FCRLA: variants seen among roughly 807,000 people sequenced by gnomAD.
The protein encoded by FCRLA is Fc receptor-like A.
FCRLA carries 26 observed loss-of-function variants against 28.4 expected under a neutral mutation model. The ratio of observed to expected loss-of-function variants is 0.91; its 90% confidence interval spans 0.67 to 1.27. The LOEUF (loss-of-function observed/expected upper bound fraction) is 1.27. Among genes scored for constraint, FCRLA ranks in the 50% most tolerant of loss-of-function variants. FCRLA has a pLI of 0.00. For synonymous variants in FCRLA, 174 were observed against 168.5 expected (o/e 1.03, Z -0.25); for missense variants, 422 against 433.1 (o/e 0.97, Z 0.23).
In FCRLA at chr1:161,712,039, C is replaced by T; in HGVS notation, c.605C>T (p.Ala202Val). ...ACAAAGTTGCCCCTGCAGAGGTCAG[C>T]TGCCCGCCTCCTCTTCTCCTTCTAC... Reference protein sequence around the residue: ...CQTKLPLQRSAARLLFSFYKD... With the variant: ...CQTKLPLQRSVARLLFSFYKD... Residue 202 changes from alanine (A) to valine (V), a missense_variant, in exon 4 of 5, where the codon GCT becomes GTT. Transcript: ENST00000236938. The T allele has an allele frequency of 6.2e-7, 1 of 1,614,238 alleles. No homozygotes were observed. Among genetic ancestry groups the T allele is most frequent in the Non-Finnish European group, 8.5e-7 (1 of 1,180,052 alleles).
chr1:161,713,016 G>C (rs540195657), intron 4 of FCRLA, 69 bp from the exon 5 acceptor site: 2 of 1,517,314 alleles, frequency 1.3e-6, no homozygotes, highest in Non-Finnish European at 1.8e-6. Flanking sequence ...AGAAAGATTG[G>C]CCAGGGATGG....
rs759522046 is a variant in FCRLA, at chr1:161,710,796, TCTGCA to T, written c.120_124del (p.Cys40Ter). On this transcript the variant is annotated frameshift_variant, in exon 2 of 5. Transcript: ENST00000236938. LOFTEE classifies it high-confidence loss of function. ...GAGACGCTGCAGTGTGAGGGACCTG[TCTGCA>T]CTGAGGAGAGCAGCTGCCACACGGA... 6.2e-7 allele frequency: 1 copy of T among 1,614,116 alleles called. No homozygotes were observed. The highest frequency in any genetic ancestry group is 8.5e-7 in the Non-Finnish European group (1 of 1,180,028).
Position 161,707,241 on chromosome 1 carries a change from G to T in FCRLA, c.-24G>T, listed in dbSNP as rs764699298. 6.2e-7 allele frequency: 1 copy of T among 1,614,050 alleles called. No individual in the cohort carries two copies. The highest frequency in any genetic ancestry group is 8.5e-7 in the Non-Finnish European group (1 of 1,179,940). ...GTTGAAGAAAATCAGTGTTGGGGTT[G>T]CAGGAGACCTAAACACAGTCACCAT... On this transcript the variant is annotated 5_prime_UTR_variant, in exon 1 of 5. Coordinates refer to ENST00000236938, the MANE Select transcript of FCRLA (RefSeq NM_032738.4).
In FCRLA at chr1:161,710,724, C is replaced by G. The variant is rs1359682122; in HGVS notation, c.80-36C>G. ...GTCCTCTTTCTCCAAGTTGCATCAT[C>G]ATTTTCTGGTTCTCCCTGGGCCATG... is the stretch of plus-strand genomic sequence containing the variant. On this transcript the variant is annotated intron_variant, in intron 1 of 4. Transcript: ENST00000236938. 6 of 1,613,650 alleles carry G rather than the reference C, an allele frequency of 3.7e-6. No homozygotes were observed. The Admixed American group carries it at 8.3e-5, about 22-fold the overall frequency.
intron 1 of FCRLA, among the ~76,000 whole-genome samples, chr1:161,708,985 T>C (rs533722811): frequency 2.0e-5 from 3 of 152,346 alleles, no homozygotes; most frequent in Admixed American, 6.5e-5. Flanking sequence ...CAAGCCCCTC[T>C]TCTATTTACC....
Position 161,713,125 on chromosome 1 carries a change from T to C in FCRLA, c.825T>C (p.Ala275=), listed in dbSNP as rs1157980223. 6.2e-7 allele frequency: 1 copy of C among 1,613,842 alleles called. No homozygotes were observed. The highest frequency in any genetic ancestry group is 8.5e-7 in the Non-Finnish European group (1 of 1,179,978). Residue 275 remains alanine, a synonymous_variant, in exon 5 of 5, where the codon GCT becomes GCC. Transcript: ENST00000236938. ...CTGCACCTCCCACATTGAATCCAGC[T>C]CCTCAGAAATCAGCTGCTCCAGGAA... ...SSAAPPTLNP[A]PQKSAAPGTA...
At position 161,711,191 on chromosome 1, in the gene FCRLA, C is replaced by T; in HGVS notation, c.233-17C>T. 1 of 1,601,298 alleles carries T rather than the reference C, an allele frequency of 6.2e-7. No individual in the cohort carries two copies. The highest frequency in any genetic ancestry group is 8.5e-7 in the Non-Finnish European group (1 of 1,172,272). ...GGGAGGCCCTGGGTGACACTCAGCT[C>T]TTTCTCTGGACCATAGACTGGCTGA... is the stretch of plus-strand genomic sequence containing the variant. On this transcript the variant is annotated splice_polypyrimidine_tract_variant and intron_variant, in intron 2 of 4. Transcript: ENST00000236938.
rs910849840 is a variant in FCRLA, at chr1:161,710,505, A to C, written c.80-255A>C. ...GGATGTCATGCCGGTGAGTTTCACCATTCTTTCATTCTCTCCCCTCCCTCT... is the reference window on the plus strand; with the variant it reads ...GGATGTCATGCCGGTGAGTTTCACCCTTCTTTCATTCTCTCCCCTCCCTCT... On this transcript the variant is annotated intron_variant, in intron 1 of 4. Coordinates refer to ENST00000236938, the MANE Select transcript of FCRLA (RefSeq NM_032738.4). 7.7e-6 allele frequency: 12 copies of C among 1,550,364 alleles called. No homozygotes were observed. In the African/African-American group the frequency reaches 1.6e-4, roughly 21 times the overall value.
chr1:161,709,019 C>T (rs1157528473), intron 1 of FCRLA, among the ~76,000 whole-genome samples: 6 of 152,164 alleles, frequency 3.9e-5, no homozygotes, highest in Non-Finnish European at 8.8e-5. Flanking sequence ...TTTAGAAAAT[C>T]ACTTTTTCTA....
Position 161,713,161 on chromosome 1 carries a change from G to A in FCRLA, c.861G>A (p.Glu287=). 1 of 1,614,218 alleles carries A rather than the reference G, an allele frequency of 6.2e-7. No individual in the cohort carries two copies. The highest frequency in any genetic ancestry group is 8.5e-7 in the Non-Finnish European group (1 of 1,180,036). Residue 287 remains glutamate (E), a synonymous_variant, in exon 5 of 5, where the codon GAG becomes GAA. Transcript: ENST00000236938. ...CAGCTGCTCCAGGAACTGCTCCTGAGGAGGCCCCTGGGCCTCTGCCTCCGC... is the reference window on the plus strand; with the variant it reads ...CAGCTGCTCCAGGAACTGCTCCTGAAGAGGCCCCTGGGCCTCTGCCTCCGC... ...QKSAAPGTAP[E]EAPGPLPPPP...
In FCRLA at chr1:161,713,416, C is replaced by T. The variant is rs752037380; in HGVS notation, c.*36C>T. 8.0e-6 allele frequency: 12 copies of T among 1,508,196 alleles called. No individual in the cohort carries two copies. Among genetic ancestry groups the T allele is most frequent in the South Asian group, 2.5e-5 (2 of 81,428 alleles). The allele number at this position is 1,508,196 out of a possible 1,614,324, so 93.4% of individuals were successfully genotyped here. ...TTCATCCATGATCTCACTTAACCAC[C>T]CCAATAAATCTGATTCTTTATTTTC... On this transcript the variant is annotated 3_prime_UTR_variant, in exon 5 of 5. Transcript: ENST00000236938.
In FCRLA at chr1:161,712,051, T is replaced by C. The variant is rs1274054168; in HGVS notation, c.617T>C (p.Leu206Pro). Residue 206 changes from leucine (L) to proline (P), a missense_variant, in exon 4 of 5, where the codon CTC (leucine) becomes CCC (proline). Leu to Pro is a moderately conservative substitution (Grantham distance 98). Transcript: ENST00000236938. ...LPLQRSAARL[L>P]FSFYKDGRIV... is the part of the protein sequence containing the mutation. Reference sequence around the variant, plus strand: ...CTGCAGAGGTCAGCTGCCCGCCTCCTCTTCTCCTTCTACAAGGATGGAAGG... The same window carrying C: ...CTGCAGAGGTCAGCTGCCCGCCTCCCCTTCTCCTTCTACAAGGATGGAAGG... 1.2e-6 allele frequency: 2 copies of C among 1,614,188 alleles called. No individual in the cohort carries two copies. The highest frequency in any genetic ancestry group is 4.5e-5 in the East Asian group (2 of 44,876).
rs761623074 is a variant in FCRLA, at chr1:161,713,167, C to A, written c.867C>A (p.Ala289=). The stretch of plus-strand genomic sequence containing the variant: ...CTCCAGGAACTGCTCCTGAGGAGGC[C>A]CCTGGGCCTCTGCCTCCGCCGCCAA... ...SAAPGTAPEE[A]PGPLPPPPTP... The change falls in exon 5 of 5, where the codon GCC becomes GCA. Residue 289 remains alanine (A), a synonymous_variant. Transcript: ENST00000236938. The A allele has an allele frequency of 1.9e-6, 3 of 1,614,090 alleles. No homozygotes were observed. The highest frequency in any genetic ancestry group is 1.7e-6 in the Non-Finnish European group (2 of 1,180,042).
Position 161,713,306 on chromosome 1 carries a change from G to A in FCRLA, c.1006G>A (p.Gly336Ser), listed in dbSNP as rs199501005. ...CATGCAGGATGTGAGAGTCCTCCTC[G>A]GTCACCTGCTCATGGAGTTGAGGGA... is the stretch of plus-strand genomic sequence containing the variant. ...KHMQDVRVLL[G>S]HLLMELRELS... The change falls in exon 5 of 5, where the codon GGT (glycine) becomes AGT (serine). Residue 336 changes from glycine to serine, a missense_variant. This residue lies in a region of FCRLA where 185 missense variants were observed against 198.1 expected (regional missense o/e 0.93). Transcript: ENST00000236938. 53 of 1,614,176 alleles carry A rather than the reference G, an allele frequency of 3.3e-5. No homozygotes were observed. The highest frequency in any genetic ancestry group is 1.7e-4 in the Middle Eastern group (1 of 6,060).
In FCRLA at chr1:161,710,929, G is replaced by T; in HGVS notation, c.232+17G>T. On this transcript the variant is annotated intron_variant, in intron 2 of 4. Transcript: ENST00000236938. ...TGTCCTATGGTGAGGTCCTGGGAAG[G>T]CCTGAGCAGTGCCCCAAACCCCTTC... The T allele has an allele frequency of 6.2e-7, 1 of 1,611,820 alleles. No homozygotes were observed. The highest frequency in any genetic ancestry group is 8.5e-7 in the Non-Finnish European group (1 of 1,179,564).
intron 1 of FCRLA, among the ~76,000 whole-genome samples, chr1:161,708,698 C>A (rs1353614120): frequency 6.6e-6 from 1 of 152,178 alleles, no homozygotes; most frequent in Non-Finnish European, 1.5e-5. Context: ...TTCCATGGCA[C>A]CCTACTCTCC....
chr1:161,708,802 G>A (rs1167765376), intron 1 of FCRLA, among the ~76,000 whole-genome samples: 1 of 152,092 alleles, frequency 6.6e-6, no homozygotes, highest in Non-Finnish European at 1.5e-5. Flanking sequence ...CTGCTCCAAT[G>A]GCTGCTTGCG....
intron 1 of FCRLA, 148 bp from the exon 2 acceptor site, chr1:161,710,612 G>A (rs1471082883): frequency 4.2e-5 from 59 of 1,405,638 alleles, no homozygotes; most frequent in Non-Finnish European, 5.5e-5. Flanking sequence ...GACACTCTCA[G>A]GGGTCTTTCC....
In FCRLA at chr1:161,712,227, G is replaced by A. The variant is rs115059588; in HGVS notation, c.784+9G>A. Reference sequence around the variant, plus strand: ...AGAGATCAGAGTGCAGGGTGAGTTCGCATCAGAGTGCAGGTTGTCTGTTTG... The same window carrying A: ...AGAGATCAGAGTGCAGGGTGAGTTCACATCAGAGTGCAGGTTGTCTGTTTG... On this transcript the variant is annotated intron_variant, in intron 4 of 4. Coordinates refer to ENST00000236938, the MANE Select transcript of FCRLA (RefSeq NM_032738.4). 17 of 1,604,598 alleles carry A rather than the reference G, an allele frequency of 1.1e-5. No individual in the cohort carries two copies. The highest frequency in any genetic ancestry group is 5.4e-5 in the African/African-American group (4 of 74,718).
Sources: allele counts gnomAD v4.1 joint callset (sites outside exome capture counted in the v4.1 genomes callset), GRCh38; gene constraint gnomAD v4.1.1; regional missense constraint gnomAD v4.1.1; transcripts MANE v1.5; gene names NCBI Gene and HGNC (gene_info 2026-07-23, HGNC 2026-07-21).